DOT1L: variants seen among roughly 807,000 people sequenced by gnomAD.
DOT1L encodes the protein histone-lysine N-methyltransferase, H3 lysine-79 specific.
DOT1L carries 33 observed loss-of-function variants against 153.3 expected under a neutral mutation model. The ratio of observed to expected loss-of-function variants is 0.22; its 90% CI spans 0.16 to 0.29. The LOEUF is 0.29. Among genes scored for constraint, DOT1L ranks in the 10% least tolerant of loss-of-function variants. The probability of loss-of-function intolerance (pLI) is 1.00; values close to 1 mark genes in which losing one functional copy is unlikely to be tolerated. For missense variants in DOT1L, 1,847 were observed against 2,119.9 expected (o/e 0.87, Z 2.53); for synonymous variants, 1,135 against 965.1 (o/e 1.18, Z -3.26).
Position 2,226,077 on chromosome 19 carries a change from C to T in DOT1L, c.3662-106C>T, listed in dbSNP as rs540106201. ...TGGCATCTTGAGTGTCTGTGACCAGCCCTGCCTGCAGAGTTGCCCGGGCCG... is the reference window on the plus strand; with the variant it reads ...TGGCATCTTGAGTGTCTGTGACCAGTCCTGCCTGCAGAGTTGCCCGGGCCG... On this transcript the variant is annotated intron_variant, in intron 26 of 27. Transcript: ENST00000398665. 1.7e-4 allele frequency: 212 copies of T among 1,278,652 alleles called. 1 individual carries two copies. Among genetic ancestry groups the T allele is most frequent in the Admixed American group, 4.4e-4 (15 of 34,030 alleles). 79.2% of individuals were successfully genotyped at this position (1,278,652 alleles called of 1,614,324 possible).
chr19:2,206,515 CTG>C (rs1366372411), intron 9 of DOT1L, among the ~76,000 whole-genome samples: 1 of 119,018 alleles, frequency 8.4e-6, no homozygotes, highest in Non-Finnish European at 1.7e-5. Flanking sequence ...CCGGGAGACT[CTG>C]TCTCAAAAAA....
At chr19:2,165,596 C>T (rs2019883084) in intron 1 of DOT1L, among the ~76,000 whole-genome samples, 1 of 152,238 alleles carries the variant, frequency 6.6e-6, no homozygotes, top group South Asian at 2.1e-4. Context: ...CGACCGGTTT[C>T]CTCCCTCGAA....
Position 2,191,070 on chromosome 19 carries a change from G to T in DOT1L, c.323G>T (p.Arg108Leu). 6.2e-7 allele frequency: 1 copy of T among 1,612,060 alleles called. No individual in the cohort carries two copies. The change falls in exon 5 of 28, where the codon CGC becomes CTC. Residue 108 changes from arginine (R) to leucine (L), a missense_variant. Arg to Leu is a moderately radical substitution (Grantham distance 102). Coordinates refer to ENST00000398665, the MANE Select transcript of DOT1L (RefSeq NM_032482.3). The surrounding 1 kb of genome is among the most constrained non-coding windows in gnomAD (Gnocchi z 6.8). ...ACGCGGCCGTCCACTGGACTCCTGC[G>T]CCATATCCTGCAGCAGGTCTACAAC... ...LNTRPSTGLL[R>L]HILQQVYNHS...
At chr19:2,228,351 C>A (rs748663282) in intron 27 of DOT1L, 1 of 1,318,260 alleles carries the variant, frequency 7.6e-7, no homozygotes, top group Non-Finnish European at 1.0e-6. Context: ...GCGATAAAGA[C>A]CTTGCTTAGC....
intron 25 of DOT1L, among the ~76,000 whole-genome samples, chr19:2,224,750 C>T (rs1330680536): frequency 6.6e-6 from 1 of 152,154 alleles, no homozygotes; most frequent in Non-Finnish European, 1.5e-5. Context: ...CACAGCCGGC[C>T]CTAAGTGTGC....
chr19:2,174,475 T>A (rs149355984), intron 1 of DOT1L, among the ~76,000 whole-genome samples: 2 of 152,028 alleles, frequency 1.3e-5, no homozygotes, highest in African/African-American at 4.8e-5. Context: ...TCACCTGAGG[T>A]TGGGAGTTTG....
chr19:2,191,468 A>G lies in DOT1L; in HGVS notation c.493+228A>G, dbSNP rs1360157589. On this transcript the variant is annotated intron_variant, in intron 5 of 27. Transcript: ENST00000398665. This position sits in a 1 kb window ranked among gnomAD's most constrained non-coding sequence, Gnocchi z 6.8. ...GCAGGAACCCAGTGGCTCCCAGACC[A>G]GGCCCATCCTCCCAGGTGCCCGGAG... Among the ~76,000 whole-genome samples, 1 of 151,950 alleles carries G rather than the reference A, an allele frequency of 6.6e-6. No individual in the cohort carries two copies. The highest frequency in any genetic ancestry group is 2.4e-5 in the African/African-American group (1 of 41,376).
intron 22 of DOT1L, among the ~76,000 whole-genome samples, chr19:2,219,397 A>G (rs1034226342): frequency 1.3e-5 from 2 of 152,086 alleles, no homozygotes; most frequent in African/African-American, 4.8e-5. Context: ...GTCACTCCCT[A>G]GTCGTCCCCC....
rs2024092976 is a variant in DOT1L at position 2,220,949 on chromosome 19, G to C, written c.2806+727G>C. The C allele has an allele frequency of 9.0e-6, 2 of 223,050 alleles. No homozygotes were observed. Among genetic ancestry groups the C allele is most frequent in the South Asian group, 5.9e-5 (1 of 17,078 alleles). 13.8% of individuals were successfully genotyped at this position (223,050 alleles called of 1,614,324 possible). A position where few individuals can be genotyped will look rare whatever the true frequency, so the allele number is the denominator to read the frequency against. The stretch of plus-strand genomic sequence containing the variant: ...CCAGCACCTTGGGATGCCGAGGTGG[G>C]CGGATCACCTGAGGACAGGAGTTTG... On this transcript the variant is annotated intron_variant, in intron 23 of 27. Transcript: ENST00000398665. The surrounding 1 kb of genome is among the most constrained non-coding windows in gnomAD (Gnocchi z 4.5).
chr19:2,213,622 T>A lies in DOT1L; in HGVS notation c.1641T>A (p.Phe547Leu), dbSNP rs772701533. ...QAQKEEIRRLFQQKLDELGVK... is the reference protein window; with the variant it reads ...QAQKEEIRRLLQQKLDELGVK... ...AGAAGGAGGAGATCAGGAGGCTGTT[T>A]CAGCAAAAATTGGATGAGGTAGTGG... The change falls in exon 17 of 28, where the codon TTT becomes TTA. Residue 547 changes from phenylalanine to leucine, a missense_variant. Physicochemically the swap from Phe to Leu is conservative, Grantham distance 22 (BLOSUM62 0). Coordinates refer to ENST00000398665, the MANE Select transcript of DOT1L (RefSeq NM_032482.3). 2 of 1,613,788 alleles carry A rather than the reference T, an allele frequency of 1.2e-6. No individual in the cohort carries two copies. The highest frequency in any genetic ancestry group is 3.3e-5 in the Admixed American group (2 of 60,002).
chr19:2,173,968 T>G (rs2021782672), intron 1 of DOT1L, among the ~76,000 whole-genome samples: 1 of 152,222 alleles, frequency 6.6e-6, no homozygotes, highest in African/African-American at 2.4e-5. Flanking sequence ...GCTGTTTGTT[T>G]GTTTGTTTGA....
intron 1 of DOT1L, among the ~76,000 whole-genome samples, chr19:2,178,382 AC>A (rs1204457749): frequency 1.2e-4 from 18 of 150,094 alleles, no homozygotes; most frequent in South Asian, 1.0e-3. Context: ...AAAAAAAAAA[AC>A]AAAAAATCTC....
intron 1 of DOT1L, among the ~76,000 whole-genome samples, chr19:2,165,235 G>A (rs879726055): frequency 6.6e-6 from 1 of 152,084 alleles, no homozygotes; most frequent in Non-Finnish European, 1.5e-5. Flanking sequence ...GTTTTGGGGG[G>A]CGCGTCTGCA....
In DOT1L at chr19:2,181,157, T is replaced by TCCTCGTAA. The variant is rs2022212462; in HGVS notation, c.125+402_125+409dup. Among the ~76,000 whole-genome samples the TCCTCGTAA allele has an allele frequency of 2.6e-5, 4 of 152,324 alleles. No individual in the cohort carries two copies. The South Asian group carries it at 6.2e-4, about 24-fold the overall frequency. On this transcript the variant is annotated intron_variant, in intron 2 of 27. Coordinates refer to ENST00000398665, the MANE Select transcript of DOT1L (RefSeq NM_032482.3). ...TGGGCAGGAGGCGGAGGCCGTCCTG[T>TCCTCGTAA]CCTCGTAAGCTCCAGCCTGGGCTCC...
intron 2 of DOT1L, among the ~76,000 whole-genome samples, chr19:2,182,992 A>AC (rs1183704277): frequency 6.6e-6 from 1 of 152,026 alleles, no homozygotes; most frequent in East Asian, 1.9e-4. Context: ...CGAAACTCGA[A>AC]CCCCCACCAC....
rs577139044 is a variant in DOT1L at position 2,206,306 on chromosome 19, C to G, written c.788-423C>G. 7.2e-4 allele frequency among the ~76,000 whole-genome samples: 109 copies of G among 152,112 alleles called. 1 individual carries two copies. Among genetic ancestry groups the G allele is most frequent in the African/African-American group, 2.5e-3 (105 of 41,486 alleles). The stretch of plus-strand genomic sequence containing the variant: ...GCGCCGAGAATGTTTTTTAAAGAAG[C>G]ATTATTTGTAGGAGGTTGGGCGTGG... On this transcript the variant is annotated intron_variant, in intron 9 of 27. Transcript: ENST00000398665.
chr19:2,200,751 C>T (rs1194948609), intron 8 of DOT1L, among the ~76,000 whole-genome samples: 6 of 151,466 alleles, frequency 4.0e-5, no homozygotes, highest in East Asian at 1.9e-4. Flanking sequence ...CTGTATTCCT[C>T]GTCCTCCCCG....
Position 2,217,109 on chromosome 19 carries a change from G to A in DOT1L, c.2544+19G>A, listed in dbSNP as rs1188730562. 2 of 1,571,814 alleles carry A rather than the reference G, an allele frequency of 1.3e-6. No individual in the cohort carries two copies. The highest frequency in any genetic ancestry group is 1.4e-5 in the African/African-American group (1 of 74,012). On this transcript the variant is annotated intron_variant, in intron 21 of 27. Transcript: ENST00000398665. This position sits in a 1 kb window ranked among gnomAD's most constrained non-coding sequence, Gnocchi z 7.3. The stretch of plus-strand genomic sequence containing the variant: ...TGAGAAGGTGCGGGCCGCGACCCCT[G>A]CCCCGGGCTCAGGGAGGTGCTCAGC...
Position 2,210,819 on chromosome 19 carries a change from C to T in DOT1L, c.1315C>T (p.Gln439Ter). 1 of 1,612,834 alleles carries T rather than the reference C, an allele frequency of 6.2e-7. No homozygotes were observed. Among genetic ancestry groups the T allele is most frequent in the Non-Finnish European group, 8.5e-7 (1 of 1,179,978 alleles). The change falls in exon 14 of 28, where the codon CAG (glutamine) becomes TAG (stop). Residue 439 changes from glutamine to a stop codon, truncating the protein, a stop_gained. Transcript: ENST00000398665. LOFTEE classifies it high-confidence loss of function. ...AACTGCACTGGATGCCCTGCACGCTCAGACCGTGTCTCAGACGGCGGCCTC... is the reference window on the plus strand; with the variant it reads ...AACTGCACTGGATGCCCTGCACGCTTAGACCGTGTCTCAGACGGCGGCCTC... ...NQTALDALHA[Q>*]TVSQTAASSP...
Sources: gnomAD v4.1 joint callset for allele counts (sites outside exome capture counted in the v4.1 genomes callset) on GRCh38, gnomAD v4.1.1 for gene constraint, Gnocchi (gnomAD v3.1) non-coding constraint, MANE v1.5 for transcripts, NCBI Gene and HGNC (gene_info 2026-07-23, HGNC 2026-07-21) for gene names.